Variants in PRUNE2 observed in about 807,000 individuals in gnomAD.
The protein encoded by PRUNE2 is prune homolog 2 with BCH domain.
In PRUNE2, 164 loss-of-function variants were observed where a neutral mutation model predicts 252.0. The ratio of observed to expected loss-of-function variants is 0.65; its 90% CI spans 0.57 to 0.74. The LOEUF (loss-of-function observed/expected upper bound fraction) is 0.74, where lower values mean the gene tolerates loss of function less well. Among genes scored for constraint, PRUNE2 ranks in the 30% least tolerant of loss-of-function variants. PRUNE2 has a pLI of 0.00. For missense variants in PRUNE2, 3,495 were observed against 3,711.0 expected (o/e 0.94, Z 1.51); for synonymous variants, 1,292 against 1,350.2 (o/e 0.96, Z 0.94).
chr9:76,823,831 GC>G (rs1265553661), intron 5 of PRUNE2, 105 bp from the exon 6 acceptor site: 11 of 688,902 alleles, frequency 1.6e-5, no homozygotes, highest in Admixed American at 7.1e-5. Context: ...TTCATTCTTT[GC>G]CCCTCAAATG....
chr9:76,895,214 T>C (rs1398344178), intron 1 of PRUNE2, among the ~76,000 whole-genome samples: 2 of 152,160 alleles, frequency 1.3e-5, no homozygotes, highest in Non-Finnish European at 2.9e-5. Context: ...CACGGGCTTT[T>C]CTCAGGGACC....
chr9:76,866,986 C>T (rs1444611430), intron 1 of PRUNE2, among the ~76,000 whole-genome samples: 2 of 152,160 alleles, frequency 1.3e-5, no homozygotes, highest in African/African-American at 4.8e-5. Context: ...GGAGGTGAAT[C>T]AGCACTCAGA....
intron 6 of PRUNE2, among the ~76,000 whole-genome samples, chr9:76,806,953 C>T (rs921169841): frequency 6.6e-6 from 1 of 151,776 alleles, no homozygotes; most frequent in African/African-American, 2.4e-5. Flanking sequence ...GGATCAGAAG[C>T]CGGTATGTGT....
At chr9:76,829,814 GA>G (rs2058567204) in intron 4 of PRUNE2, among the ~76,000 whole-genome samples, 1 of 151,020 alleles carries the variant, frequency 6.6e-6, no homozygotes, top group African/African-American at 2.4e-5. Context: ...AAATCCTCTT[GA>G]GAGCAAAATA....
chr9:76,640,726 A>T (rs896052800), intron 12 of PRUNE2, among the ~76,000 whole-genome samples: 1 of 152,240 alleles, frequency 6.6e-6, no homozygotes, highest in Non-Finnish European at 1.5e-5. Context: ...ATGGAAATCC[A>T]CAAAGGATAT....
chr9:76,879,653 A>C (rs2061650335), intron 1 of PRUNE2, among the ~76,000 whole-genome samples: 1 of 151,854 alleles, frequency 6.6e-6, no homozygotes, highest in Non-Finnish European at 1.5e-5. Flanking sequence ...ATTTTCAATA[A>C]GGTGACCAAA....
chr9:76,879,878 C>CAT (rs1391636538), intron 1 of PRUNE2, among the ~76,000 whole-genome samples: 2,089 of 75,330 alleles, frequency 0.028, 110 homozygotes, highest in East Asian at 0.081. Context: ...AGAGGCCTGT[C>CAT]ATATATATAT....
chr9:76,893,279 C>G (rs1288239779), intron 1 of PRUNE2, among the ~76,000 whole-genome samples: 1 of 152,158 alleles, frequency 6.6e-6, no homozygotes, highest in East Asian at 1.9e-4. Flanking sequence ...CAAAAAACCC[C>G]TATGATTCTA....
intron 1 of PRUNE2, among the ~76,000 whole-genome samples, chr9:76,879,872 G>T (rs1456046349): frequency 7.8e-6 from 1 of 128,378 alleles, no homozygotes; most frequent in Non-Finnish European, 1.6e-5. Context: ...TAAGAAAGAG[G>T]CCTGTCATAT....
At chr9:76,755,255 C>G (rs1222708108) in intron 6 of PRUNE2, among the ~76,000 whole-genome samples, 15 of 152,084 alleles carry the variant, frequency 9.9e-5, no homozygotes, top group Admixed American at 9.8e-4. Flanking sequence ...ACGTTCACAC[C>G]ATATCTTTGA....
intron 6 of PRUNE2, among the ~76,000 whole-genome samples, chr9:76,731,296 ATCTATCTATCTATC>A (rs1383748915): frequency 2.2e-4 from 21 of 96,682 alleles, no homozygotes; most frequent in East Asian, 3.9e-4. Context: ...CTATCTATCT[ATCTATCTATCTATC>A]TATATATATA....
At chr9:76,799,158 T>C (rs545677876) in intron 6 of PRUNE2, among the ~76,000 whole-genome samples, 71 of 152,226 alleles carry the variant, frequency 4.7e-4, no homozygotes, top group African/African-American at 1.7e-3. Flanking sequence ...CTGGCCAACA[T>C]GGTGAAATCC....
chr9:76,755,832 G>A (rs1206843004), intron 6 of PRUNE2, among the ~76,000 whole-genome samples: 1 of 152,092 alleles, frequency 6.6e-6, no homozygotes, highest in Admixed American at 6.6e-5. Flanking sequence ...CCGCCAAGTA[G>A]CTGAGACCAC....
chr9:76,780,393 A>G (rs1180693807), intron 6 of PRUNE2, among the ~76,000 whole-genome samples: 2 of 152,158 alleles, frequency 1.3e-5, no homozygotes, highest in Non-Finnish European at 2.9e-5. Context: ...AGATTCATTT[A>G]AAACCAAGCA....
At chr9:76,854,285 AAG>A in intron 1 of PRUNE2, 77 bp from the exon 2 acceptor site, 1 of 728,580 alleles carries the variant, frequency 1.4e-6, no homozygotes, top group Non-Finnish European at 2.2e-6. Flanking sequence ...TATTTTAAAA[AAG>A]TATGCCTTAT....
In PRUNE2 at chr9:76,704,892, C is replaced by A; in HGVS notation, c.7382G>T (p.Arg2461Leu). The stretch of plus-strand genomic sequence containing the variant: ...CAAATAAACGGACTCAGGGTCTTCA[C>A]GAATATGCAGCACAGCCAGCTGGGA... ...PGSQLAVLHI[R>L]EDPESVYLPV... is the part of the protein sequence containing the mutation. Residue 2461 changes from arginine (R) to leucine (L), a missense_variant, in exon 8 of 19, where the codon CGT (arginine) becomes CTT (leucine). Coordinates refer to ENST00000376718, the MANE Select transcript of PRUNE2 (RefSeq NM_015225.3). The A allele has an allele frequency of 6.2e-7, 1 of 1,609,716 alleles. No individual in the cohort carries two copies. The highest frequency in any genetic ancestry group is 8.5e-7 in the Non-Finnish European group (1 of 1,177,768).
At chr9:76,734,319 C>T (rs1197396761) in intron 6 of PRUNE2, among the ~76,000 whole-genome samples, 4 of 151,940 alleles carry the variant, frequency 2.6e-5, no homozygotes, top group African/African-American at 4.8e-5. Context: ...GAAGGTGGTA[C>T]AAGCACAAAA....
chr9:76,659,359 C>A (rs1850421350), intron 9 of PRUNE2, among the ~76,000 whole-genome samples: 1 of 152,154 alleles, frequency 6.6e-6, no homozygotes, highest in Non-Finnish European at 1.5e-5. Flanking sequence ...ATCTTTACGT[C>A]TGGATTGCTA....
intron 9 of PRUNE2, among the ~76,000 whole-genome samples, chr9:76,675,164 A>C (rs1396344722): frequency 1.1e-5 from 1 of 93,172 alleles, no homozygotes; most frequent in East Asian, 3.2e-4. Context: ...CAACTTACTC[A>C]TCTGACAAAG....
Sources: allele counts gnomAD v4.1 joint callset (sites outside exome capture counted in the v4.1 genomes callset), GRCh38; gene constraint gnomAD v4.1.1; transcripts MANE v1.5; gene names NCBI Gene and HGNC (gene_info 2026-07-23, HGNC 2026-07-21).